The following WNK3 variants were observed in gnomAD, a reference collection of about 807,000 sequenced individuals.
The protein encoded by WNK3 is WNK lysine deficient protein kinase 3.
In WNK3, 18 loss-of-function variants were observed where a neutral mutation model predicts 116.7. The observed-to-expected ratio is 0.15, with a 90% CI of 0.11 to 0.23. The LOEUF (loss-of-function observed/expected upper bound fraction) is 0.23. Ranked by LOEUF, WNK3 falls within the 10% of genes least tolerant of loss-of-function variation. The probability of loss-of-function intolerance (pLI) is 1.00; values close to 1 mark genes in which losing one functional copy is unlikely to be tolerated. For synonymous variants in WNK3, 404 were observed against 469.4 expected (o/e 0.86, Z 1.80); for missense variants, 993 against 1,323.8 (o/e 0.75, Z 3.88).
At chrX:54,328,607 A>G (rs1329152064) in intron 2 of WNK3, among the ~76,000 whole-genome samples, 2 of 99,774 alleles carry the variant, frequency 2.0e-5, no homozygotes, top group African/African-American at 7.9e-5. Flanking sequence ...CTTTGCCTTT[A>G]AAAAAAAAAA....
intron 5 of WNK3, 77 bp downstream of exon 5, chrX:54,307,845 T>C: frequency 9.9e-7 from 1 of 1,008,939 alleles, no homozygotes; most frequent in East Asian, 3.1e-5. Flanking sequence ...AAAATTAGTT[T>C]TGAGTAAGTC....
rs181633026 is a variant in WNK3, at chrX:54,315,534, G to C, written c.538-4243C>G. Among the ~76,000 whole-genome samples, 3 of 111,103 alleles carry C rather than the reference G, an allele frequency of 2.7e-5. No individual in the cohort carries two copies. In the Admixed American group the frequency reaches 2.9e-4, roughly 11 times the overall value. ...TCCATGAATATCTTTTTCACCCTGG[G>C]AGATGATATCTTAGTTGATTAGAGA... On this transcript the variant is annotated intron_variant, in intron 2 of 23. Transcript: ENST00000354646.
At chrX:54,306,326 C>G (rs1380919632) in intron 5 of WNK3, among the ~76,000 whole-genome samples, 1 of 111,392 alleles carries the variant, frequency 9.0e-6, no homozygotes, top group African/African-American at 3.3e-5. Context: ...ATTAGTATGT[C>G]AAACAGATAT....
chrX:54,228,703 G>T lies in WNK3; in HGVS notation c.4870+11C>A. On this transcript the variant is annotated intron_variant, in intron 22 of 23. Transcript: ENST00000354646. ...AAAAATTAAAAGTAAAGAAGCAAAAGAAATACTTACTTTCCAACTCATTTA... is the reference window on the plus strand; with the variant it reads ...AAAAATTAAAAGTAAAGAAGCAAAATAAATACTTACTTTCCAACTCATTTA... The T allele has an allele frequency of 4.2e-6, 2 of 476,738 alleles. No individual in the cohort carries two copies. The highest frequency in any genetic ancestry group is 7.6e-6 in the Non-Finnish European group (2 of 263,496). The allele number at this position is 476,738 out of a possible 1,213,427, so 39.3% of individuals were successfully genotyped here. A position where few individuals can be genotyped will look rare whatever the true frequency, so the allele number is the denominator to read the frequency against.
rs781878525 is a variant in WNK3, at chrX:54,342,565, C to CA, written c.-119-8774dup. Among the ~76,000 whole-genome samples the CA allele has an allele frequency of 1.1e-3, 105 of 96,232 alleles. 1 individual carries two copies. Among genetic ancestry groups the CA allele is most frequent in the Middle Eastern group, 5.2e-3 (1 of 191 alleles). The allele number at this position is 96,232 out of a possible 115,157, so 83.6% of individuals were successfully genotyped here. A position where few individuals can be genotyped will look rare whatever the true frequency, so the allele number is the denominator to read the frequency against. On this transcript the variant is annotated intron_variant, in intron 1 of 23. Transcript: ENST00000354646. ...TGGGTGACAAGAGTGAAATCTGTCT[C>CA]AAAAAAAAAAAAATCTGAAAGCAAA... is the stretch of plus-strand genomic sequence containing the variant.
intron 2 of WNK3, among the ~76,000 whole-genome samples, chrX:54,325,802 T>C (rs2069096692): frequency 9.1e-6 from 1 of 109,874 alleles, no homozygotes; most frequent in Admixed American, 9.9e-5. Context: ...TGTATTTCCA[T>C]GTGTAAAAGC....
chrX:54,347,788 C>A (rs2147329154), intron 1 of WNK3, among the ~76,000 whole-genome samples: 1 of 107,563 alleles, frequency 9.3e-6, no homozygotes, highest in East Asian at 2.9e-4. Flanking sequence ...ATAATACAAT[C>A]ATGTGGCTCA....
Position 54,324,737 on chromosome X carries a change from C to T in WNK3, c.537+8400G>A, listed in dbSNP as rs782161904. On this transcript the variant is annotated intron_variant, in intron 2 of 23. Transcript: ENST00000354646. ...TAATGTAATGAAGCACTTTCTTACACGGCTAAACAGAATCCAGAAACATTT... is the reference window on the plus strand; with the variant it reads ...TAATGTAATGAAGCACTTTCTTACATGGCTAAACAGAATCCAGAAACATTT... Among the ~76,000 whole-genome samples, 18 of 112,278 alleles carry T rather than the reference C, an allele frequency of 1.6e-4. No individual in the cohort carries two copies. The East Asian group carries it at 1.9e-3, about 12-fold the overall frequency.
chrX:54,290,638 A>G (rs1206627936), intron 10 of WNK3, among the ~76,000 whole-genome samples: 4 of 111,804 alleles, frequency 3.6e-5, no homozygotes, highest in African/African-American at 1.3e-4. Flanking sequence ...AATTTACTAC[A>G]TAACTCATTC....
intron 13 of WNK3, 33 bp downstream of exon 13, chrX:54,253,926 G>T: frequency 1.1e-6 from 1 of 943,678 alleles, no homozygotes; most frequent in Non-Finnish European, 1.5e-6. Flanking sequence ...ACAGAATGCT[G>T]AAGGGAAGAT....
intron 12 of WNK3, among the ~76,000 whole-genome samples, chrX:54,255,510 A>C (rs2068182368): frequency 8.9e-6 from 1 of 112,013 alleles, no homozygotes; most frequent in African/African-American, 3.2e-5. Context: ...CTAAAACATT[A>C]ATAGGAGCTA....
chrX:54,200,323 A>G (rs1186410369), intron 23 of WNK3, among the ~76,000 whole-genome samples: 1 of 111,968 alleles, frequency 8.9e-6, no homozygotes, highest in Non-Finnish European at 1.9e-5. Flanking sequence ...GGCTTGGTAC[A>G]TAACTGTTAA....
chrX:54,352,243 A>T (rs1051202667), intron 1 of WNK3, among the ~76,000 whole-genome samples: 3 of 112,056 alleles, frequency 2.7e-5, no homozygotes, highest in Non-Finnish European at 5.6e-5. Context: ...AATAAAAATA[A>T]TTTTTTAAAA....
chrX:54,237,003 G>T lies in WNK3; in HGVS notation c.4563C>A (p.Ser1521Arg). ...CCTCTATTTCTGATTCATCATCACT[G>T]CTCATTGGGGAAGATGGCGAATAGA... The change falls in exon 20 of 24, where the codon AGC becomes AGA. Residue 1521 changes from serine to arginine, a missense_variant. Transcript: ENST00000354646. 1 of 1,210,636 alleles carries T rather than the reference G, an allele frequency of 8.3e-7. No individual in the cohort carries two copies. Among genetic ancestry groups the T allele is most frequent in the Non-Finnish European group, 1.1e-6 (1 of 894,716 alleles).
intron 1 of WNK3, among the ~76,000 whole-genome samples, chrX:54,355,754 A>G (rs1452642897): frequency 1.8e-5 from 2 of 111,483 alleles, no homozygotes; most frequent in Non-Finnish European, 3.8e-5. Flanking sequence ...CTCCAAATAT[A>G]CCATGCTTAC....
At chrX:54,290,664 T>A (rs2068628341) in intron 10 of WNK3, among the ~76,000 whole-genome samples, 1 of 111,586 alleles carries the variant, frequency 9.0e-6, no homozygotes, top group Admixed American at 9.6e-5. Flanking sequence ...CTGGCAGAGA[T>A]TCTGAGTATC....
intron 10 of WNK3, among the ~76,000 whole-genome samples, chrX:54,260,524 G>A (rs1327639580): frequency 9.0e-6 from 1 of 111,326 alleles, no homozygotes; most frequent in Admixed American, 9.6e-5. Flanking sequence ...AATTATTAAT[G>A]GGGTTATTAA....
chrX:54,194,020 G>A (rs1181369665), exon 24 of WNK3: 1 of 111,279 alleles, frequency 9.0e-6, no homozygotes, highest in Non-Finnish European at 1.9e-5. Context: ...CCAAAATGAT[G>A]GCAAATATAC....
chrX:54,314,034 A>G (rs2068919907), intron 2 of WNK3, among the ~76,000 whole-genome samples: 1 of 108,000 alleles, frequency 9.3e-6, no homozygotes, highest in African/African-American at 3.4e-5. Flanking sequence ...TCTAATAAAA[A>G]CACAAAAAAT....
Sources: allele counts gnomAD v4.1 joint callset (sites outside exome capture counted in the v4.1 genomes callset), GRCh38; gene constraint gnomAD v4.1.1; transcripts MANE v1.5; gene names NCBI Gene and HGNC (gene_info 2026-07-23, HGNC 2026-07-21).